NACC2: variants seen among roughly 807,000 people sequenced by gnomAD.
The protein encoded by NACC2 is nucleus accumbens-associated protein 2.
Under a neutral mutation model 25.1 loss-of-function variants are expected in NACC2, and 8 were observed. The ratio of observed to expected loss-of-function variants is 0.32; its 90% CI spans 0.19 to 0.57. NACC2 has a LOEUF of 0.57. NACC2 is among the 20% of genes least tolerant of loss of function. The pLI is 0.89. For synonymous variants in NACC2, 435 were observed against 294.7 expected (o/e 1.48, Z -4.88); for missense variants, 644 against 650.2 (o/e 0.99, Z 0.10).
At chr9:136,080,313 ATGGGATGCCACCTCTCAG>A (rs1485564362) in intron 1 of NACC2, among the ~76,000 whole-genome samples, 1 of 151,946 alleles carries the variant, frequency 6.6e-6, no homozygotes, top group African/African-American at 2.4e-5. Flanking sequence ...CTGCCCCTAC[ATGGGATGCCACCTCTCAG>A]GGCATCCAAA....
At chr9:136,033,600 A>C (rs1342324324) in intron 2 of NACC2, among the ~76,000 whole-genome samples, 1 of 145,802 alleles carries the variant, frequency 6.9e-6, no homozygotes, top group Non-Finnish European at 1.5e-5. Flanking sequence ...GAGTGAGCTG[A>C]GATCTGCCAC....
At chr9:136,017,638 A>AT (rs1409646334) in intron 2 of NACC2, among the ~76,000 whole-genome samples, 1 of 151,924 alleles carries the variant, frequency 6.6e-6, no homozygotes, top group Non-Finnish European at 1.5e-5. Flanking sequence ...CGGTGCTCAC[A>AT]TGCCACGGTG....
intron 5 of NACC2, among the ~76,000 whole-genome samples, chr9:136,012,275 G>A (rs150104701): frequency 5.9e-5 from 9 of 152,356 alleles, no homozygotes; most frequent in African/African-American, 9.6e-5. Flanking sequence ...AGCCTTGGCC[G>A]TCCGCCAGCT....
At chr9:136,054,476 T>C (rs1166802112) in intron 1 of NACC2, among the ~76,000 whole-genome samples, 3 of 152,156 alleles carry the variant, frequency 2.0e-5, no homozygotes, top group African/African-American at 7.2e-5. Context: ...AGCTGAACTT[T>C]AGGAGAAAAG....
chr9:136,042,007 T>A (rs1038482475), intron 2 of NACC2, among the ~76,000 whole-genome samples: 1 of 152,188 alleles, frequency 6.6e-6, no homozygotes, highest in Non-Finnish European at 1.5e-5. Context: ...CAATTTCTTT[T>A]TTTTTGAGAC....
intron 2 of NACC2, among the ~76,000 whole-genome samples, chr9:136,016,947 C>A (rs1479344604): frequency 6.6e-6 from 1 of 152,044 alleles, no homozygotes; most frequent in African/African-American, 2.4e-5. Flanking sequence ...GGTACTGTGG[C>A]CCCCAACTCT....
Position 136,050,327 on chromosome 9 carries a change from G to A in NACC2, c.195C>T (p.Ser65=), listed in dbSNP as rs947074927. ...GCACGGAGCCGGGCAGCTCGAAGGC[G>A]CTCTTGCTGTTGCCGCTGAACAGGT... ...FRDLFSGNSK[S]AFELPGSVPP... The change falls in exon 2 of 6, where the codon AGC becomes AGT. Residue 65 remains serine (S), a synonymous_variant. Coordinates refer to ENST00000277554, the MANE Select transcript of NACC2 (RefSeq NM_144653.5). 25 of 739,914 alleles carry A rather than the reference G, an allele frequency of 3.4e-5. No individual in the cohort carries two copies. Among genetic ancestry groups the A allele is most frequent in the African/African-American group, 6.9e-5 (4 of 58,224 alleles). The allele number at this position is 739,914 out of a possible 1,614,324, so 45.8% of individuals were successfully genotyped here.
In NACC2 at chr9:136,084,803, G is replaced by A. The variant is rs896450470; in HGVS notation, c.-60+10386C>T. 6.6e-6 allele frequency among the ~76,000 whole-genome samples: 1 copy of A among 152,254 alleles called. No individual in the cohort carries two copies. The highest frequency in any genetic ancestry group is 6.5e-5 in the Admixed American group (1 of 15,290). ...TCCCTGCAACCCGGAGGAGCCGTGG[G>A]GAGAGGGTGCGGAGCAAATGAGCCA... is the stretch of plus-strand genomic sequence containing the variant. On this transcript the variant is annotated intron_variant, in intron 1 of 5. Coordinates refer to ENST00000277554, the MANE Select transcript of NACC2 (RefSeq NM_144653.5). This position sits in a 1 kb window ranked among gnomAD's most constrained non-coding sequence, Gnocchi z 5.1.
intron 1 of NACC2, among the ~76,000 whole-genome samples, chr9:136,076,865 C>G (rs1344089088): frequency 6.6e-6 from 1 of 152,050 alleles, no homozygotes; most frequent in Admixed American, 6.6e-5. Context: ...AAAAAATTAG[C>G]CGGGCGTGGT....
At chr9:136,080,662 C>T (rs1412144601) in intron 1 of NACC2, among the ~76,000 whole-genome samples, 1 of 152,158 alleles carries the variant, frequency 6.6e-6, no homozygotes, top group Non-Finnish European at 1.5e-5. Context: ...CCAGGAAGGA[C>T]ACTCCACGGA....
intron 1 of NACC2, among the ~76,000 whole-genome samples, chr9:136,062,592 A>G (rs1163537146): frequency 6.6e-6 from 1 of 152,182 alleles, no homozygotes; most frequent in Non-Finnish European, 1.5e-5. Flanking sequence ...TGTTCTCTGT[A>G]CGTTCACACC....
In NACC2 at chr9:136,013,192, C is replaced by A; in HGVS notation, c.1255+7G>T. On this transcript the variant is annotated splice_region_variant and intron_variant, in intron 5 of 5. Coordinates refer to ENST00000277554, the MANE Select transcript of NACC2 (RefSeq NM_144653.5). The surrounding 1 kb of genome is among the most constrained non-coding windows in gnomAD (Gnocchi z 6.6). ...CCCACCCACCCGAGAGACCCCCAGGCTCTTACATTTCACAGCGTTCAGGAC... is the reference window on the plus strand; with the variant it reads ...CCCACCCACCCGAGAGACCCCCAGGATCTTACATTTCACAGCGTTCAGGAC... The A allele has an allele frequency of 6.8e-7, 1 of 1,475,386 alleles. No homozygotes were observed. The highest frequency in any genetic ancestry group is 9.4e-7 in the Non-Finnish European group (1 of 1,067,346). The allele number at this position is 1,475,386 out of a possible 1,614,324, so 91.4% of individuals were successfully genotyped here. A position where few individuals can be genotyped will look rare whatever the true frequency, so the allele number is the denominator to read the frequency against.
chr9:136,062,446 A>G (rs915983377), intron 1 of NACC2, among the ~76,000 whole-genome samples: 24 of 152,222 alleles, frequency 1.6e-4, no homozygotes, highest in African/African-American at 5.5e-4. Flanking sequence ...TGGGGCATTA[A>G]CCAGTTTTAG....
Position 136,086,441 on chromosome 9 carries a change from G to A in NACC2, c.-60+8748C>T, listed in dbSNP as rs1222912855. Among the ~76,000 whole-genome samples the A allele has an allele frequency of 6.6e-6, 1 of 152,112 alleles. No individual in the cohort carries two copies. Among genetic ancestry groups the A allele is most frequent in the African/African-American group, 2.4e-5 (1 of 41,418 alleles). On this transcript the variant is annotated intron_variant, in intron 1 of 5. Coordinates refer to ENST00000277554, the MANE Select transcript of NACC2 (RefSeq NM_144653.5). This position sits in a 1 kb window ranked among gnomAD's most constrained non-coding sequence, Gnocchi z 5.6. ...CCGGGCCTGGCTCTTGAGGTCCCAG[G>A]TCTGCGAGCGGCTGGGCTTCCCTGA...
At chr9:136,062,866 G>C (rs532515224) in intron 1 of NACC2, among the ~76,000 whole-genome samples, 4 of 152,190 alleles carry the variant, frequency 2.6e-5, no homozygotes, top group Non-Finnish European at 5.9e-5. Context: ...GCAGTGTGCC[G>C]TGATCGTGCC....
rs1407054051 is a variant in NACC2, at chr9:136,011,564, C to A, written c.1716G>T (p.Pro572=). Residue 572 remains proline, a synonymous_variant, in exon 6 of 6, where the codon CCG becomes CCT. Transcript: ENST00000277554. ...GGGGPSRPQT[P]AAAARRPEGT... ...CCTCCGGCCTCCGGGCCGCGGCCGC[C>A]GGCGTCTGGGGCCTGCTGGGGCCGC... The A allele has an allele frequency of 7.1e-7, 1 of 1,408,338 alleles. No homozygotes were observed. Among genetic ancestry groups the A allele is most frequent in the Non-Finnish European group, 9.2e-7 (1 of 1,087,186 alleles). The allele number at this position is 1,408,338 out of a possible 1,614,324, so 87.2% of individuals were successfully genotyped here.
intron 1 of NACC2, among the ~76,000 whole-genome samples, chr9:136,069,799 G>C (rs1382617525): frequency 6.6e-6 from 1 of 151,866 alleles, no homozygotes; most frequent in Non-Finnish European, 1.5e-5. Flanking sequence ...CCATGTACCA[G>C]ACAACGGAAC....
At chr9:136,088,851 C>T (rs754895578) in intron 1 of NACC2, among the ~76,000 whole-genome samples, 9 of 152,154 alleles carry the variant, frequency 5.9e-5, no homozygotes, top group Admixed American at 2.6e-4. Context: ...CCCCAAGCCC[C>T]GAGGGGAGCC....
intron 2 of NACC2, among the ~76,000 whole-genome samples, chr9:136,040,441 T>A (rs1411158535): frequency 6.6e-6 from 1 of 151,766 alleles, no homozygotes; most frequent in Non-Finnish European, 1.5e-5. Flanking sequence ...CAAATTAAAA[T>A]AAAATAGGAG....
Sources: allele counts gnomAD v4.1 joint callset (sites outside exome capture counted in the v4.1 genomes callset), GRCh38; gene constraint gnomAD v4.1.1; non-coding constraint Gnocchi (gnomAD v3.1); transcripts MANE v1.5; gene names NCBI Gene and HGNC (gene_info 2026-07-23, HGNC 2026-07-21).